CNTNAP2: variants seen among roughly 807,000 people sequenced by gnomAD.
The protein encoded by CNTNAP2 is contactin associated protein 2.
In CNTNAP2, 98 loss-of-function variants were observed where a neutral mutation model predicts 155.2. The ratio of observed to expected loss-of-function variants is 0.63; its 90% CI spans 0.54 to 0.75. The LOEUF (loss-of-function observed/expected upper bound fraction) is 0.75, where lower values mean the gene tolerates loss of function less well. Among genes scored for constraint, CNTNAP2 ranks in the 30% least tolerant of loss-of-function variants. The pLI, the probability that CNTNAP2 is intolerant of heterozygous loss-of-function variation, is 0.00. For synonymous variants in CNTNAP2, 651 were observed against 631.2 expected (o/e 1.03, Z -0.47); for missense variants, 1,727 against 1,688.1 (o/e 1.02, Z -0.40).
intron 2 of CNTNAP2, among the ~76,000 whole-genome samples, chr7:146,827,737 T>C (rs1278252358): frequency 6.6e-6 from 1 of 152,092 alleles, no homozygotes. Flanking sequence ...CTTTGCAACA[T>C]TGATATTTGC....
chr7:148,106,501 T>C (rs796488663), intron 15 of CNTNAP2, among the ~76,000 whole-genome samples: 1 of 133,358 alleles, frequency 7.5e-6, no homozygotes, highest in South Asian at 2.2e-4. Context: ...GAGATATATA[T>C]ATATATATAT....
intron 13 of CNTNAP2, among the ~76,000 whole-genome samples, chr7:147,747,644 C>T (rs1253845943): frequency 6.6e-6 from 1 of 152,120 alleles, no homozygotes; most frequent in East Asian, 1.9e-4. Context: ...TATGATAGTT[C>T]TAGTTTTAGT....
intron 3 of CNTNAP2, among the ~76,000 whole-genome samples, chr7:146,871,090 A>G (rs1387860532): frequency 4.6e-5 from 7 of 152,228 alleles, no homozygotes; most frequent in Admixed American, 2.0e-4. Context: ...ACATTTCCCA[A>G]TGGGACACAT....
At chr7:148,370,191 C>G (rs984665264) in intron 21 of CNTNAP2, among the ~76,000 whole-genome samples, 1 of 152,206 alleles carries the variant, frequency 6.6e-6, no homozygotes, top group Non-Finnish European at 1.5e-5. Flanking sequence ...GGCCCTTTCA[C>G]AAATCTCAGC....
At chr7:148,061,968 TAGATAGATAGATAGATAGATAG>T (rs1803155398) in intron 15 of CNTNAP2, among the ~76,000 whole-genome samples, 1 of 123,552 alleles carries the variant, frequency 8.1e-6, no homozygotes. Context: ...GATAGATAGA[TAGATAGATAGATAGATAGATAG>T]ATAGATAGAT....
At chr7:147,047,086 T>C (rs1224276558) in intron 4 of CNTNAP2, among the ~76,000 whole-genome samples, 3 of 149,180 alleles carry the variant, frequency 2.0e-5, no homozygotes, top group African/African-American at 7.3e-5. Flanking sequence ...TCATGTCTCA[T>C]TTTAGTTAAG....
chr7:147,615,720 A>T (rs1427515154), intron 12 of CNTNAP2, among the ~76,000 whole-genome samples: 1 of 151,492 alleles, frequency 6.6e-6, no homozygotes, highest in African/African-American at 2.4e-5. Context: ...TTTTCTTCCT[A>T]CTCTCCCTTC....
At chr7:146,567,362 C>A (rs949052509) in intron 1 of CNTNAP2, among the ~76,000 whole-genome samples, 6 of 151,958 alleles carry the variant, frequency 3.9e-5, no homozygotes, top group African/African-American at 1.5e-4. Flanking sequence ...TATATGAATA[C>A]CTTCAAAGCA....
chr7:147,765,636 AATGTT>A (rs1797371202), intron 13 of CNTNAP2, among the ~76,000 whole-genome samples: 1 of 152,154 alleles, frequency 6.6e-6, no homozygotes, highest in Non-Finnish European at 1.5e-5. Flanking sequence ...TGGGATGTAA[AATGTT>A]ATGAACACTT....
At chr7:146,216,488 T>TTTTC (rs1045389065) in intron 1 of CNTNAP2, among the ~76,000 whole-genome samples, 3 of 152,146 alleles carry the variant, frequency 2.0e-5, no homozygotes, top group African/African-American at 7.2e-5. Flanking sequence ...CCCTGTTCCT[T>TTTTC]TTTCTTTGCA....
intron 13 of CNTNAP2, among the ~76,000 whole-genome samples, chr7:147,901,016 TAC>T (rs1799859980): frequency 6.6e-6 from 1 of 152,124 alleles, no homozygotes; most frequent in Non-Finnish European, 1.5e-5. Flanking sequence ...CCCTGTGCCC[TAC>T]CTTCATGGAG....
chr7:147,925,619 A>G (rs180679912), intron 14 of CNTNAP2, among the ~76,000 whole-genome samples: 8,575 of 151,790 alleles, frequency 0.056, 387 homozygotes, highest in African/African-American at 0.13. Flanking sequence ...GGCGCCCGCC[A>G]CTCGGCTAAT....
At chr7:147,186,315 C>A (rs1802565065) in intron 8 of CNTNAP2, among the ~76,000 whole-genome samples, 1 of 152,118 alleles carries the variant, frequency 6.6e-6, no homozygotes, top group South Asian at 2.1e-4. Context: ...TCAAGTATTA[C>A]ATAATAAAAT....
At chr7:146,659,072 C>A (rs991757112) in intron 1 of CNTNAP2, among the ~76,000 whole-genome samples, 2 of 152,138 alleles carry the variant, frequency 1.3e-5, no homozygotes, top group Non-Finnish European at 1.5e-5. Flanking sequence ...GAAACCCAAT[C>A]CCTTGTTTAT....
At chr7:147,928,213 C>T (rs1251079151) in intron 14 of CNTNAP2, among the ~76,000 whole-genome samples, 1 of 152,074 alleles carries the variant, frequency 6.6e-6, no homozygotes, top group South Asian at 2.1e-4. Flanking sequence ...ACCTCTTTTT[C>T]TTTATAAATT....
chr7:147,211,467 A>G (rs537252265), intron 8 of CNTNAP2, among the ~76,000 whole-genome samples: 3 of 152,212 alleles, frequency 2.0e-5, no homozygotes, highest in African/African-American at 4.8e-5. Context: ...AAAAACAGGC[A>G]CATAGACCAA....
At chr7:147,304,026 C>T (rs1302345521) in intron 9 of CNTNAP2, among the ~76,000 whole-genome samples, 2 of 152,176 alleles carry the variant, frequency 1.3e-5, no homozygotes, top group African/African-American at 4.8e-5. Flanking sequence ...TAAATACGTC[C>T]ACATTTTGTT....
At chr7:148,339,124 G>A (rs559319671) in intron 21 of CNTNAP2, among the ~76,000 whole-genome samples, 44 of 152,182 alleles carry the variant, frequency 2.9e-4, no homozygotes, top group African/African-American at 1.1e-3. Flanking sequence ...CACAACAAGC[G>A]TAGTGTAAGT....
At chr7:146,288,039 G>C (rs908613409) in intron 1 of CNTNAP2, among the ~76,000 whole-genome samples, 1 of 152,026 alleles carries the variant, frequency 6.6e-6, no homozygotes, top group South Asian at 2.1e-4. Context: ...TTTGGGCCAG[G>C]AGCAGTGGCC....
Sources: gnomAD v4.1 joint callset for allele counts (sites outside exome capture counted in the v4.1 genomes callset) on GRCh38, gnomAD v4.1.1 for gene constraint, MANE v1.5 for transcripts, NCBI Gene and HGNC (gene_info 2026-07-23, HGNC 2026-07-21) for gene names.